HYAL4: variants seen among roughly 807,000 people sequenced by gnomAD.
HYAL4 encodes hyaluronidase 4.
A neutral mutation model predicts 35.2 loss-of-function variants in HYAL4; 37 were observed. The observed-to-expected ratio is 1.05, with a 90% CI of 0.81 to 1.38. HYAL4 has a LOEUF of 1.38. Among genes scored for constraint, HYAL4 ranks in the 40% most tolerant of loss-of-function variants. The pLI is 0.00. For synonymous variants in HYAL4, 198 were observed against 203.2 expected (o/e 0.97, Z 0.22); for missense variants, 572 against 572.4 (o/e 1.00, Z 0.01).
the HYAL4 span, among the ~76,000 whole-genome samples, chr7:123,791,415 A>G: frequency 6.6e-6 from 1 of 152,228 alleles, no homozygotes; most frequent in African/African-American, 2.4e-5. Flanking sequence ...TACACTCAAG[A>G]TACAAGAGAT....
chr7:123,773,149 C>T, the HYAL4 span, among the ~76,000 whole-genome samples: 25 of 152,118 alleles, frequency 1.6e-4, no homozygotes, highest in East Asian at 1.7e-3. Flanking sequence ...ATTCGCACTT[C>T]GTTTTTGCTT....
chr7:123,807,391 T>G, the HYAL4 span, among the ~76,000 whole-genome samples: 7 of 151,844 alleles, frequency 4.6e-5, no homozygotes, highest in African/African-American at 1.7e-4. Flanking sequence ...AAACTTCCTT[T>G]TAAAAAATTT....
the HYAL4 span, among the ~76,000 whole-genome samples, chr7:123,797,142 A>G: frequency 6.6e-6 from 1 of 152,368 alleles, no homozygotes; most frequent in East Asian, 1.9e-4. Context: ...GGTAAAAAGT[A>G]TCCTTAAGGT....
upstream of HYAL4, among the ~76,000 whole-genome samples, chr7:123,827,727 T>C (rs950552286): frequency 6.6e-6 from 1 of 152,170 alleles, no homozygotes; most frequent in Non-Finnish European, 1.5e-5. Context: ...TATTCTGCCT[T>C]ATGACTTTCA....
the HYAL4 span, among the ~76,000 whole-genome samples, chr7:123,789,968 G>C: frequency 1.3e-5 from 2 of 152,118 alleles, no homozygotes; most frequent in African/African-American, 2.4e-5. Flanking sequence ...AATTATGGGG[G>C]CTGGCAAGTC....
intron 1 of HYAL4, among the ~76,000 whole-genome samples, chr7:123,847,158 G>C (rs1806192008): frequency 6.6e-6 from 1 of 152,096 alleles, no homozygotes; most frequent in Non-Finnish European, 1.5e-5. Context: ...CCTGCCTCTT[G>C]TCTGCCATGA....
the HYAL4 span, among the ~76,000 whole-genome samples, chr7:123,783,908 T>A: frequency 6.6e-6 from 1 of 152,200 alleles, no homozygotes; most frequent in Non-Finnish European, 1.5e-5. Context: ...TATGCTAAGT[T>A]ACCACCACAT....
intron 2 of HYAL4, among the ~76,000 whole-genome samples, chr7:123,849,857 ACT>A (rs978240548): frequency 6.6e-6 from 1 of 152,012 alleles, no homozygotes; most frequent in Non-Finnish European, 1.5e-5. Flanking sequence ...ATGGAGCCAG[ACT>A]CTCTCACAAA....
In HYAL4 at chr7:123,858,718, T is replaced by C. The variant is rs546748830; in HGVS notation, c.-51-9505T>C. 2.6e-5 allele frequency among the ~76,000 whole-genome samples: 4 copies of C among 152,316 alleles called. No homozygotes were observed. In the South Asian group the frequency reaches 8.3e-4, roughly 32 times the overall value. ...ATACAACATGCCATTACTATTATCA[T>C]TGCACTCCTCTGCCCCTAAAGACAG... On this transcript the variant is annotated intron_variant, in intron 2 of 4. Transcript: ENST00000223026.
upstream of HYAL4, among the ~76,000 whole-genome samples, chr7:123,843,487 T>C (rs945172865): frequency 1.2e-4 from 18 of 152,006 alleles, no homozygotes; most frequent in Non-Finnish European, 1.9e-4. Context: ...TTGGGGTTGC[T>C]CTTCTCGAGG....
chr7:123,764,667 T>TG, the HYAL4 span, among the ~76,000 whole-genome samples: 1 of 152,212 alleles, frequency 6.6e-6, no homozygotes, highest in African/African-American at 2.4e-5. Context: ...GCTCTCTATC[T>TG]CTTTTTCTGC....
At chr7:123,816,981 A>G in the HYAL4 span, among the ~76,000 whole-genome samples, 1 of 152,160 alleles carries the variant, frequency 6.6e-6, no homozygotes, top group African/African-American at 2.4e-5. Flanking sequence ...TTCTTGTTGT[A>G]TTACTTAGAC....
intron 1 of HYAL4, among the ~76,000 whole-genome samples, chr7:123,837,311 T>C (rs1805979740): frequency 6.6e-6 from 1 of 152,192 alleles, no homozygotes. Flanking sequence ...GGTTACCTGA[T>C]GCTTTTGTCT....
At chr7:123,823,906 T>C in the HYAL4 span, among the ~76,000 whole-genome samples, 1 of 152,126 alleles carries the variant, frequency 6.6e-6, no homozygotes, top group African/African-American at 2.4e-5. Context: ...TCCATCCCAC[T>C]GCTTAAGTGA....
chr7:123,876,945 C>G lies in HYAL4; in HGVS notation c.1236C>G (p.Asp412Glu). 6.2e-7 allele frequency: 1 copy of G among 1,614,066 alleles called. No individual in the cohort carries two copies. Among genetic ancestry groups the G allele is most frequent in the Non-Finnish European group, 8.5e-7 (1 of 1,180,006 alleles). ...PASYHIEASE[D>E]GEFTVKGKAS... ...GTTACCACATAGAGGCCTCTGAGGA[C>G]GGGGAGTTTACTGTGAAAGGAAAAG... Residue 412 changes from aspartate to glutamate, a missense_variant, in exon 5 of 5, where the codon GAC (aspartate) becomes GAG (glutamate). Coordinates refer to ENST00000223026, the MANE Select transcript of HYAL4 (RefSeq NM_012269.3).
At chr7:123,773,615 A>C in the HYAL4 span, among the ~76,000 whole-genome samples, 97 of 152,306 alleles carry the variant, frequency 6.4e-4, no homozygotes, top group South Asian at 2.1e-3. Flanking sequence ...TTAACAATTC[A>C]ATTTTACCTT....
chr7:123,836,942 C>T (rs561034808), intron 1 of HYAL4, among the ~76,000 whole-genome samples: 3 of 151,996 alleles, frequency 2.0e-5, no homozygotes, highest in Admixed American at 1.3e-4. Flanking sequence ...ACAGGAGAAT[C>T]GCTTGAATCC....
At chr7:123,799,160 A>G in the HYAL4 span, among the ~76,000 whole-genome samples, 1 of 152,178 alleles carries the variant, frequency 6.6e-6, no homozygotes, top group South Asian at 2.1e-4. Flanking sequence ...CTCTTTTAGT[A>G]TTGATAAAGT....
chr7:123,866,957 A>C (rs1806704452), intron 2 of HYAL4, among the ~76,000 whole-genome samples: 1 of 152,008 alleles, frequency 6.6e-6, no homozygotes, highest in Admixed American at 6.5e-5. Context: ...CGCCAAGCTA[A>C]TTTTTGTATT....
Sources: allele counts gnomAD v4.1 joint callset (sites outside exome capture counted in the v4.1 genomes callset), GRCh38; gene constraint gnomAD v4.1.1; transcripts MANE v1.5; gene names NCBI Gene and HGNC (gene_info 2026-07-23, HGNC 2026-07-21).